WDR4: variants seen among roughly 807,000 people sequenced by gnomAD.
WDR4 encodes WDR4 tRNA N7-guanosine methyltransferase non-catalytic subunit, also known as tRNA (guanine-N(7)-)-methyltransferase non-catalytic subunit WDR4.
Under a neutral mutation model 48.6 loss-of-function variants are expected in WDR4, and 47 were observed. The observed-to-expected ratio is 0.97, with a 90% confidence interval of 0.77 to 1.23. WDR4 has a LOEUF of 1.23. WDR4 is among the 50% of genes most tolerant of loss of function. The pLI is 0.00. For synonymous variants in WDR4, 268 were observed against 230.0 expected (o/e 1.17, Z -1.49); for missense variants, 606 against 551.6 (o/e 1.10, Z -0.99).
the WDR4 span, among the ~76,000 whole-genome samples, chr21:42,888,608 G>GTT: frequency 1.1e-4 from 16 of 146,362 alleles, no homozygotes; most frequent in Admixed American, 2.7e-4. Flanking sequence ...TTTCCTATTG[G>GTT]TTTTTTTTTT....
At chr21:42,857,684 T>A (rs1328340391) in intron 6 of WDR4, among the ~76,000 whole-genome samples, 1 of 151,970 alleles carries the variant, frequency 6.6e-6, no homozygotes, top group Non-Finnish European at 1.5e-5. Flanking sequence ...AGATTCAAAA[T>A]AATCCTAATA....
chr21:42,892,402 A>C, the WDR4 span, among the ~76,000 whole-genome samples: 1 of 151,930 alleles, frequency 6.6e-6, no homozygotes, highest in Non-Finnish European at 1.5e-5. Context: ...ATGCCCTTGC[A>C]TTTACTTGAT....
chr21:42,877,501 TTC>T (rs2058522555), intron 1 of WDR4, among the ~76,000 whole-genome samples: 2 of 152,058 alleles, frequency 1.3e-5, no homozygotes, highest in Non-Finnish European at 2.9e-5. Context: ...TTGATTTTTT[TTC>T]TCTGTGGAAC....
At chr21:42,856,278 G>A (rs1223615887) in intron 6 of WDR4, among the ~76,000 whole-genome samples, 6 of 152,230 alleles carry the variant, frequency 3.9e-5, no homozygotes, top group Admixed American at 6.5e-5. Context: ...ACCGTCCCAC[G>A]ACAACTGGTA....
chr21:42,856,929 A>G (rs11910360), intron 6 of WDR4, among the ~76,000 whole-genome samples: 2 of 152,142 alleles, frequency 1.3e-5, no homozygotes, highest in South Asian at 2.1e-4. Context: ...ACCCACTAAG[A>G]CAAAGACAAC....
At chr21:42,879,326 G>T (rs886949469) in intron 1 of WDR4, 81 bp downstream of exon 1, 1 of 1,559,902 alleles carries the variant, frequency 6.4e-7, no homozygotes, top group South Asian at 1.2e-5. Flanking sequence ...GCGACCAGGC[G>T]GTGCGGGAGA....
chr21:42,878,056 A>G (rs990259539), intron 1 of WDR4, among the ~76,000 whole-genome samples: 1 of 150,744 alleles, frequency 6.6e-6, no homozygotes, highest in Admixed American at 6.6e-5. Flanking sequence ...AAAAAAAAAA[A>G]GAAAAAAAAG....
At chr21:42,868,641 G>A (rs995132888) in intron 3 of WDR4, among the ~76,000 whole-genome samples, 1 of 152,220 alleles carries the variant, frequency 6.6e-6, no homozygotes, top group Admixed American at 6.5e-5. Flanking sequence ...CAAGAGTAGG[G>A]GCCTTGGGCC....
rs2058075131 is a variant in WDR4, at chr21:42,859,772, G to A, written c.567-50C>T. The A allele has an allele frequency of 2.6e-6, 4 of 1,544,490 alleles. No homozygotes were observed. In the African/African-American group the frequency reaches 5.5e-5, roughly 21 times the overall value. ...GAGTCAGCGAGCCCAGCGCCCGCAG[G>A]GACCGGGAGGCCTGGGGAGGCCGCC... On this transcript the variant is annotated intron_variant, in intron 5 of 10. Transcript: ENST00000398208.
chr21:42,862,261 G>A lies in WDR4; in HGVS notation c.566+21C>T, dbSNP rs1209941909. ...TCAAACAGACCTTCTTTCTGCTGGA[G>A]GGGCAGGAAGGGGCACTCACTCTGT... On this transcript the variant is annotated intron_variant, in intron 5 of 10. Coordinates refer to ENST00000398208, the MANE Select transcript of WDR4 (RefSeq NM_018669.6). This position sits in a 1 kb window ranked among gnomAD's most constrained non-coding sequence, Gnocchi z 4.3. The A allele has an allele frequency of 2.7e-5, 42 of 1,577,856 alleles. No homozygotes were observed. The highest frequency in any genetic ancestry group is 3.5e-5 in the Non-Finnish European group (41 of 1,158,922).
intron 6 of WDR4, 61 bp downstream of exon 6, chr21:42,859,601 A>ACCC: frequency 2.6e-6 from 1 of 382,350 alleles, no homozygotes; most frequent in South Asian, 2.3e-5. Context: ...GGAGGCGCCC[A>ACCC]CCCCACCCTC....
the WDR4 span, among the ~76,000 whole-genome samples, chr21:42,888,606 T>TA: frequency 1.4e-5 from 2 of 148,030 alleles, no homozygotes; most frequent in Non-Finnish European, 3.0e-5. Context: ...TGTTTCCTAT[T>TA]GGTTTTTTTT....
intron 2 of WDR4, among the ~76,000 whole-genome samples, chr21:42,875,015 T>A (rs2058459838): frequency 6.6e-6 from 1 of 152,106 alleles, no homozygotes; most frequent in East Asian, 1.9e-4. Context: ...ATGTGATGTC[T>A]CCCCCGGACG....
At chr21:42,887,383 C>T in the WDR4 span, among the ~76,000 whole-genome samples, 1 of 151,910 alleles carries the variant, frequency 6.6e-6, no homozygotes, top group African/African-American at 2.4e-5. Context: ...AAGCAATCCT[C>T]CTGCCTCAGC....
the WDR4 span, among the ~76,000 whole-genome samples, chr21:42,884,805 C>T: frequency 1.6e-4 from 25 of 152,244 alleles, no homozygotes; most frequent in African/African-American, 6.0e-4. Context: ...CCGACAGAGT[C>T]TCACTGTGTC....
the WDR4 span, among the ~76,000 whole-genome samples, chr21:42,889,138 A>G: frequency 6.7e-6 from 1 of 150,012 alleles, no homozygotes; most frequent in South Asian, 2.1e-4. Context: ...ATATGCCACC[A>G]TGCCCAGCTA....
At chr21:42,883,314 CTTTTT>C (rs11340340), upstream of WDR4, among the ~76,000 whole-genome samples, 1 of 119,480 alleles carries the variant, frequency 8.4e-6, no homozygotes, top group Non-Finnish European at 1.6e-5. Flanking sequence ...AGAAGTTACC[CTTTTT>C]TTTTTTTTTT....
At chr21:42,866,205 G>A (rs538400982) in intron 3 of WDR4, among the ~76,000 whole-genome samples, 3 of 152,170 alleles carry the variant, frequency 2.0e-5, no homozygotes, top group Admixed American at 1.3e-4. Context: ...TCAGTCCCTC[G>A]GGCCAAGAGT....
At chr21:42,876,300 G>A (rs568867120) in intron 2 of WDR4, among the ~76,000 whole-genome samples, 6 of 143,382 alleles carry the variant, frequency 4.2e-5, no homozygotes, top group East Asian at 2.0e-4. Context: ...TGCAACCTCC[G>A]CCTCCCAGGT....
Sources: allele counts gnomAD v4.1 joint callset (sites outside exome capture counted in the v4.1 genomes callset), GRCh38; gene constraint gnomAD v4.1.1; non-coding constraint Gnocchi (gnomAD v3.1); transcripts MANE v1.5; gene names NCBI Gene and HGNC (gene_info 2026-07-23, HGNC 2026-07-21).